CD9: variants seen among roughly 807,000 people sequenced by gnomAD.
The protein encoded by CD9 is CD9 antigen.
Under a neutral mutation model 31.4 loss-of-function variants are expected in CD9, and 10 were observed. That is an observed-to-expected ratio of 0.32 (90% CI 0.20 to 0.54). The LOEUF is 0.54. CD9 is among the 20% of genes least tolerant of loss of function. The pLI, the probability that CD9 is intolerant of heterozygous loss-of-function variation, is 0.94. For missense variants in CD9, 259 were observed against 300.1 expected (o/e 0.86, Z 1.01); for synonymous variants, 113 against 114.1 (o/e 0.99, Z 0.06).
chr12:6,202,863 G>T (rs894675508), intron 1 of CD9, among the ~76,000 whole-genome samples: 1 of 152,198 alleles, frequency 6.6e-6, no homozygotes, highest in Admixed American at 6.5e-5. Context: ...ACCCAGGATC[G>T]CAGAGACAGA....
rs1480812138 is a variant in CD9, at chr12:6,236,215, G to A, written c.561G>A (p.Glu187=). The A allele has an allele frequency of 1.9e-6, 3 of 1,614,096 alleles. No individual in the cohort carries two copies. The highest frequency in any genetic ancestry group is 2.5e-6 in the Non-Finnish European group (3 of 1,180,054). ...TVKSCPDAIK[E]VFDNKFHIIG... Reference sequence around the variant, plus strand: ...AGTCCTGTCCTGATGCCATCAAAGAGGTCTTCGACAATAAATTCCACATCA... The same window carrying A: ...AGTCCTGTCCTGATGCCATCAAAGAAGTCTTCGACAATAAATTCCACATCA... Residue 187 remains glutamate (E), a synonymous_variant, in exon 7 of 8, where the codon GAG becomes GAA. Transcript: ENST00000009180.
intron 1 of CD9, among the ~76,000 whole-genome samples, chr12:6,209,749 A>G (rs924834151): frequency 6.7e-6 from 1 of 149,084 alleles, no homozygotes; most frequent in African/African-American, 2.5e-5. Context: ...TAGTGGCACA[A>G]TCTCGGCTCA....
chr12:6,200,797 G>A, intron 1 of CD9: 1 of 441,658 alleles, frequency 2.3e-6, no homozygotes. Flanking sequence ...CCCAGCCGGC[G>A]TGGGGAGCCG....
chr12:6,220,965 G>T (rs1031070406), intron 1 of CD9, among the ~76,000 whole-genome samples: 2 of 152,174 alleles, frequency 1.3e-5, no homozygotes, highest in Non-Finnish European at 2.9e-5. Context: ...GACACCACAG[G>T]ACAGTTGTCA....
At chr12:6,202,898 C>T (rs1247391516) in intron 1 of CD9, among the ~76,000 whole-genome samples, 2 of 152,184 alleles carry the variant, frequency 1.3e-5, no homozygotes. Context: ...TCCTGGGGCC[C>T]CTACTTTACT....
rs1591984121 is a variant in CD9, at chr12:6,238,021, T to C, written c.*193T>C. On this transcript the variant is annotated 3_prime_UTR_variant, in exon 8 of 8. Transcript: ENST00000009180. ...TAATGCTTCATTCAATATTGACATT[T>C]GTAGTTGAGCGGGGGGTTTGGTTTG... 7 of 500,398 alleles carry C rather than the reference T, an allele frequency of 1.4e-5. No homozygotes were observed. The highest frequency in any genetic ancestry group is 2.5e-5 in the Non-Finnish European group (7 of 277,204). The allele number at this position is 500,398 out of a possible 1,614,324, so 31.0% of individuals were successfully genotyped here.
intron 1 of CD9, among the ~76,000 whole-genome samples, chr12:6,214,650 T>C (rs902175311): frequency 6.6e-6 from 1 of 152,064 alleles, no homozygotes; most frequent in African/African-American, 2.4e-5. Context: ...CATCAGCCTC[T>C]GAGTGTATTC....
At chr12:6,225,987 A>G (rs1014491912) in intron 2 of CD9, among the ~76,000 whole-genome samples, 1 of 152,170 alleles carries the variant, frequency 6.6e-6, no homozygotes, top group South Asian at 2.1e-4. Flanking sequence ...ACTGGGAAAA[A>G]CATCAGCCTC....
At chr12:6,205,889 G>C (rs1409330495) in intron 1 of CD9, 1 of 152,148 alleles carries the variant, frequency 6.6e-6, no homozygotes, top group South Asian at 2.1e-4. Context: ...CCTGTGTGGA[G>C]CTGGGGAAAG....
chr12:6,200,307 T>TG (rs1455425967), upstream of CD9: 14 of 286,974 alleles, frequency 4.9e-5, no homozygotes, highest in Middle Eastern at 8.8e-4. Context: ...GCGGGGGGAG[T>TG]GGGGGCGGCT....
chr12:6,213,448 G>A (rs944991715), intron 1 of CD9, among the ~76,000 whole-genome samples: 6 of 152,198 alleles, frequency 3.9e-5, no homozygotes, highest in African/African-American at 7.2e-5. Flanking sequence ...TGCTGGAAGC[G>A]CCTGTAAGAA....
At chr12:6,236,606 C>A in intron 7 of CD9, 2 of 433,822 alleles carry the variant, frequency 4.6e-6, no homozygotes, top group Non-Finnish European at 4.1e-6. Context: ...CTGTTCTTCT[C>A]CCTAAGAAAG....
rs143287166 is a variant in CD9, at chr12:6,203,529, T to C, written c.66+2964T>C. 9.9e-3 allele frequency among the ~76,000 whole-genome samples: 1,505 copies of C among 152,228 alleles called. 25 individuals carry two copies. The highest frequency in any genetic ancestry group is 0.032 in the African/African-American group (1,335 of 41,518). On this transcript the variant is annotated intron_variant, in intron 1 of 7. Transcript: ENST00000009180. ...CAACCTCAGTGGAGTAGGATGGTTA[T>C]TGGGGGGCTGTGCCTCTTCCCTGGC...
intron 1 of CD9, among the ~76,000 whole-genome samples, chr12:6,220,085 T>C (rs1164641319): frequency 1.3e-5 from 2 of 152,134 alleles, no homozygotes; most frequent in Admixed American, 6.6e-5. Flanking sequence ...GCAGAGAGTG[T>C]GGAGCATGGA....
chr12:6,225,688 T>G (rs1474956173), intron 2 of CD9, 154 bp downstream of exon 2: 1 of 598,126 alleles, frequency 1.7e-6, no homozygotes, highest in Non-Finnish European at 3.0e-6. Flanking sequence ...GTTGTGCAGT[T>G]TTTGTGTGTG....
At chr12:6,206,379 C>T (rs1471424269) in intron 1 of CD9, among the ~76,000 whole-genome samples, 1 of 152,114 alleles carries the variant, frequency 6.6e-6, no homozygotes, top group Non-Finnish European at 1.5e-5. Flanking sequence ...TGTGCCACTA[C>T]ACCCAGCTAA....
intron 2 of CD9, among the ~76,000 whole-genome samples, chr12:6,227,592 G>A (rs907375088): frequency 1.3e-5 from 2 of 152,198 alleles, no homozygotes; most frequent in African/African-American, 4.8e-5. Context: ...TACGAGGAGT[G>A]TGGAGTGATT....
chr12:6,232,367 G>T lies in CD9; in HGVS notation c.176-265G>T, dbSNP rs1946456691. 9.0e-6 allele frequency: 5 copies of T among 552,786 alleles called. No homozygotes were observed. The highest frequency in any genetic ancestry group is 1.6e-5 in the Non-Finnish European group (5 of 307,434). 34.2% of individuals were successfully genotyped at this position (552,786 alleles called of 1,614,324 possible). A position where few individuals can be genotyped will look rare whatever the true frequency, so the allele number is the denominator to read the frequency against. On this transcript the variant is annotated intron_variant, in intron 2 of 7. Coordinates refer to ENST00000009180, the MANE Select transcript of CD9 (RefSeq NM_001769.4). The surrounding 1 kb of genome is among the most constrained non-coding windows in gnomAD (Gnocchi z 4.8). ...CTCTGTCCTGGATTGAGGGCTAATG[G>T]GCACCTTCCAGAAGGGCTGAGGGTA...
chr12:6,234,662 A>G (rs1174530745), intron 4 of CD9, among the ~76,000 whole-genome samples: 1 of 152,250 alleles, frequency 6.6e-6, no homozygotes, highest in Non-Finnish European at 1.5e-5. Context: ...GCACATAATA[A>G]TACATCCCCT....
Sources: gnomAD v4.1 joint callset for allele counts (sites outside exome capture counted in the v4.1 genomes callset) on GRCh38, gnomAD v4.1.1 for gene constraint, Gnocchi (gnomAD v3.1) non-coding constraint, MANE v1.5 for transcripts, NCBI Gene and HGNC (gene_info 2026-07-23, HGNC 2026-07-21) for gene names.